Variants in OPA1 observed in about 807,000 individuals in gnomAD.
OPA1 encodes the protein OPA1 mitochondrial dynamin like GTPase.
A neutral mutation model predicts 152.9 loss-of-function variants in OPA1; 59 were observed. The observed-to-expected ratio is 0.39, with a 90% confidence interval of 0.31 to 0.48. The LOEUF is 0.48. Ranked by LOEUF, OPA1 falls within the 20% of genes least tolerant of loss-of-function variation. The pLI, the probability that OPA1 is intolerant of heterozygous loss-of-function variation, is 0.96. For synonymous variants in OPA1, 400 were observed against 389.9 expected, an observed-to-expected ratio of 1.03 and a Z score of -0.31; for missense variants, 1,008 against 1,216.8, an observed-to-expected ratio of 0.83 and a Z score of 2.55.
rs772737325 is a variant in OPA1, at chr3:193,617,277, T to C, written c.548T>C (p.Phe183Ser). 6.3e-7 allele frequency: 1 copy of C among 1,595,570 alleles called. No individual in the cohort carries two copies. Among genetic ancestry groups the C allele is most frequent in the East Asian group, 2.2e-5 (1 of 44,712 alleles). ...VESLSLLKDF[F>S]TSGHKLVSEV... The stretch of plus-strand genomic sequence containing the variant: ...AGCCTTAGCTTATTGAAGGACTTTT[T>C]TACCTCAGGTAAGGAAGAAGCTGTT... The change falls in exon 4 of 31, where the codon TTT (phenylalanine) becomes TCT (serine). Residue 183 changes from phenylalanine (F) to serine (S), a missense_variant. Phe to Ser is a radical substitution (Grantham distance 155). This residue lies in a region of OPA1 where 408 missense variants were observed against 395.1 expected (regional missense o/e 1.03). Coordinates refer to ENST00000361510, the MANE Select transcript of OPA1 (RefSeq NM_130837.3).
intron 1 of OPA1, among the ~76,000 whole-genome samples, chr3:193,601,317 C>T (rs1160889020): frequency 1.3e-5 from 2 of 152,190 alleles, no homozygotes; most frequent in Non-Finnish European, 2.9e-5. Flanking sequence ...TCATTTTGGC[C>T]TCCAAGTATA....
intron 9 of OPA1, 46 bp from the exon 10 acceptor site, chr3:193,637,149 C>T (rs1428797360): frequency 5.7e-6 from 6 of 1,045,430 alleles, no homozygotes; most frequent in Admixed American, 2.0e-5. Context: ...ATATTTTTTT[C>T]TTTACTTTTA....
At chr3:193,628,100 A>G (rs780073387) in intron 7 of OPA1, among the ~76,000 whole-genome samples, 3 of 152,126 alleles carry the variant, frequency 2.0e-5, no homozygotes, top group Non-Finnish European at 4.4e-5. Context: ...CACTGCCATA[A>G]TGATCAAAAT....
intron 29 of OPA1, among the ~76,000 whole-genome samples, chr3:193,669,266 G>A (rs1032436522): frequency 3.3e-5 from 5 of 152,150 alleles, no homozygotes; most frequent in Non-Finnish European, 7.3e-5. Context: ...AATAATCTAA[G>A]TTCTGCATTG....
chr3:193,603,560 G>A (rs1288723911), intron 1 of OPA1: 1 of 152,208 alleles, frequency 6.6e-6, no homozygotes, highest in Non-Finnish European at 1.5e-5. Flanking sequence ...CACTAGAGGT[G>A]AGAAACCTTC....
chr3:193,672,300 A>C (rs1718104658), intron 29 of OPA1, among the ~76,000 whole-genome samples: 1 of 152,174 alleles, frequency 6.6e-6, no homozygotes, highest in Non-Finnish European at 1.5e-5. Context: ...CTACCTCAGA[A>C]ACTAAGTATC....
At position 193,676,682 on chromosome 3, in the gene OPA1, T is replaced by G. The variant is rs1719035188; in HGVS notation, c.2983+9402T>G. On this transcript the variant is annotated intron_variant, in intron 29 of 30. Transcript: ENST00000361510. ...CATTTTTCATGGCCTAAGTCTGTCTTTAAAAGTCACCGTTGTGGCCGGGTG... is the reference window on the plus strand; with the variant it reads ...CATTTTTCATGGCCTAAGTCTGTCTGTAAAAGTCACCGTTGTGGCCGGGTG... 3.3e-5 allele frequency among the ~76,000 whole-genome samples: 5 copies of G among 152,156 alleles called. No homozygotes were observed. The South Asian group carries it at 1.0e-3, about 31-fold the overall frequency.
intron 1 of OPA1, chr3:193,596,845 G>C (rs761004844): frequency 6.6e-6 from 1 of 152,156 alleles, no homozygotes. Context: ...GGATCAGCAA[G>C]AACATAAAGA....
intron 3 of OPA1, 148 bp from the exon 4 acceptor site, chr3:193,617,030 G>C: frequency 1.0e-5 from 6 of 591,670 alleles, no homozygotes; most frequent in Non-Finnish European, 1.8e-5. Context: ...GTGTACCTTA[G>C]TTTCTCATCT....
chr3:193,684,639 T>C (rs990308942), intron 29 of OPA1, among the ~76,000 whole-genome samples: 8 of 151,894 alleles, frequency 5.3e-5, no homozygotes, highest in African/African-American at 1.9e-4. Flanking sequence ...TTAGTAGAGA[T>C]GGGTTTTCGC....
chr3:193,676,979 C>CA (rs151218523), intron 29 of OPA1, among the ~76,000 whole-genome samples: 1,613 of 70,520 alleles, frequency 0.023, 78 homozygotes, highest in African/African-American at 0.046. Context: ...AGACTCGTCT[C>CA]AAAAAAAAAA....
chr3:193,658,905 G>A lies in OPA1; in HGVS notation c.2350G>A (p.Ala784Thr), dbSNP rs1714562883. The A allele has an allele frequency of 6.2e-7, 1 of 1,613,556 alleles. No homozygotes were observed. ...EDSLRVIQHN[A>T]LEDRSISDKQ... is the part of the protein sequence containing the mutation. ...TTTTCAGAGGGTTATTCAACACAAT[G>A]CTTTGGAAGACCGATCCATATCTGA... The change falls in exon 24 of 31, where the codon GCT becomes ACT. Residue 784 changes from alanine to threonine, a missense_variant. By Grantham distance (58) the Ala-to-Thr change is moderately conservative (BLOSUM62 0). Transcript: ENST00000361510.
chr3:193,601,836 A>G (rs2108798847), intron 1 of OPA1, among the ~76,000 whole-genome samples: 1 of 152,338 alleles, frequency 6.6e-6, no homozygotes, highest in Non-Finnish European at 1.5e-5. Flanking sequence ...AGTATCAAGA[A>G]TAGCTTTCCA....
chr3:193,626,028 A>C, intron 6 of OPA1, 64 bp from the exon 7 acceptor site: 4 of 1,207,040 alleles, frequency 3.3e-6, no homozygotes, highest in Non-Finnish European at 4.9e-6. Flanking sequence ...CCTTTGTTGC[A>C]CCCTTGGTTT....
At position 193,696,571 on chromosome 3, in the gene OPA1, T is replaced by G. The variant is rs1722268147; in HGVS notation, c.*1971T>G. The G allele has an allele frequency of 6.6e-6, 1 of 152,226 alleles. No individual in the cohort carries two copies. The highest frequency in any genetic ancestry group is 2.1e-4 in the South Asian group (1 of 4,832). 9.4% of individuals were successfully genotyped at this position (152,226 alleles called of 1,614,324 possible). A position where few individuals can be genotyped will look rare whatever the true frequency, so the allele number is the denominator to read the frequency against. Reference sequence around the variant, plus strand: ...GCATGCTTTATTTTTCCTTGAAAGCTAGGTATTTATCAACTGCAGATGTTA... The same window carrying G: ...GCATGCTTTATTTTTCCTTGAAAGCGAGGTATTTATCAACTGCAGATGTTA... On this transcript the variant is annotated 3_prime_UTR_variant, in exon 31 of 31. Coordinates refer to ENST00000361510, the MANE Select transcript of OPA1 (RefSeq NM_130837.3).
intron 11 of OPA1, 97 bp from the exon 12 acceptor site, chr3:193,642,668 G>A: frequency 1.1e-6 from 1 of 888,920 alleles, no homozygotes; most frequent in Non-Finnish European, 1.9e-6. Flanking sequence ...TCTTGGATTT[G>A]TGCAATGCAG....
intron 1 of OPA1, among the ~76,000 whole-genome samples, chr3:193,613,453 G>A (rs939005659): frequency 1.4e-4 from 22 of 152,122 alleles, no homozygotes; most frequent in African/African-American, 4.6e-4. Flanking sequence ...AACAGCTAGC[G>A]TAATGTCTGG....
Position 193,615,722 on chromosome 3 carries a change from T to G in OPA1, c.400T>G (p.Trp134Gly), listed in dbSNP as rs1728910331. 2 of 1,612,822 alleles carry G rather than the reference T, an allele frequency of 1.2e-6. No homozygotes were observed. Among genetic ancestry groups the G allele is most frequent in the African/African-American group, 2.7e-5 (2 of 74,890 alleles). Residue 134 changes from tryptophan to glycine, a missense_variant, in exon 3 of 31, where the codon TGG (tryptophan) becomes GGG (glycine). Trp to Gly is a radical substitution (Grantham distance 184, BLOSUM62 -2). Transcript: ENST00000361510. Reference sequence around the variant, plus strand: ...GATACCGGACCTTAGTGAATATAAATGGATTGTGCCTGACATTGTGTGGGA... The same window carrying G: ...GATACCGGACCTTAGTGAATATAAAGGGATTGTGCCTGACATTGTGTGGGA... ...DMIPDLSEYKWIVPDIVWEID... is the reference protein window; with the variant it reads ...DMIPDLSEYKGIVPDIVWEID...
intron 8 of OPA1, among the ~76,000 whole-genome samples, chr3:193,633,059 C>G (rs186723016): frequency 3.2e-4 from 49 of 151,878 alleles, no homozygotes; most frequent in Non-Finnish European, 6.3e-4. Context: ...TATTGAGTCT[C>G]AAACCTCACT....
Sources: gnomAD v4.1 joint callset for allele counts (sites outside exome capture counted in the v4.1 genomes callset) on GRCh38, gnomAD v4.1.1 for gene constraint, gnomAD v4.1.1 regional missense constraint, MANE v1.5 for transcripts, NCBI Gene and HGNC (gene_info 2026-07-23, HGNC 2026-07-21) for gene names.